LRTM1: variants seen among roughly 807,000 people sequenced by gnomAD.
The protein encoded by LRTM1 is leucine rich repeat transmembrane protein 1.
In LRTM1, 38 loss-of-function variants were observed where a neutral mutation model predicts 32.4. The ratio of observed to expected loss-of-function variants is 1.17; its 90% CI spans 0.91 to 1.54. The LOEUF (loss-of-function observed/expected upper bound fraction) is 1.54, where lower values mean the gene tolerates loss of function less well. Among genes scored for constraint, LRTM1 ranks in the 40% most tolerant of loss-of-function variants. The pLI, the probability that LRTM1 is intolerant of heterozygous loss-of-function variation, is 0.00. For synonymous variants in LRTM1, 186 were observed against 169.9 expected (o/e 1.09, Z -0.74); for missense variants, 466 against 415.4 (o/e 1.12, Z -1.06).
chr3:54,942,293 C>T (rs1701491077), intron 1 of LRTM1, among the ~76,000 whole-genome samples: 1 of 152,200 alleles, frequency 6.6e-6, no homozygotes, highest in Non-Finnish European at 1.5e-5. Flanking sequence ...TCAGTCAAAG[C>T]TCAAAGATTC....
intron 1 of LRTM1, among the ~76,000 whole-genome samples, chr3:54,959,018 C>T (rs1027710910): frequency 3.3e-5 from 5 of 152,082 alleles, no homozygotes; most frequent in Non-Finnish European, 7.4e-5. Context: ...GGATAATTGC[C>T]TGAGCCTGGG....
intron 1 of LRTM1, among the ~76,000 whole-genome samples, chr3:54,953,622 A>G (rs1701811759): frequency 6.6e-6 from 1 of 152,218 alleles, no homozygotes; most frequent in African/African-American, 2.4e-5. Context: ...TCTATTTTAA[A>G]GACTTCTGTC....
chr3:54,963,203 T>C (rs1702071275), intron 1 of LRTM1, among the ~76,000 whole-genome samples: 1 of 152,202 alleles, frequency 6.6e-6, no homozygotes, highest in Non-Finnish European at 1.5e-5. Flanking sequence ...GTCCAGGTTG[T>C]CTCACGCTGG....
At chr3:54,952,649 A>G (rs1575402922) in intron 1 of LRTM1, among the ~76,000 whole-genome samples, 1 of 152,130 alleles carries the variant, frequency 6.6e-6, no homozygotes, top group East Asian at 1.9e-4. Flanking sequence ...TTCTGCTTCT[A>G]TTCTGAAGTC....
chr3:54,963,271 G>C (rs76122559), intron 1 of LRTM1, among the ~76,000 whole-genome samples: 7 of 152,172 alleles, frequency 4.6e-5, no homozygotes, highest in African/African-American at 1.7e-4. Context: ...TCTACCTCTG[G>C]GGAGTGGTAG....
upstream of LRTM1, among the ~76,000 whole-genome samples, chr3:54,932,489 G>A (rs548779696): frequency 2.0e-5 from 3 of 152,080 alleles, no homozygotes. Context: ...TATTCAACTC[G>A]CTACAACAAA....
At chr3:54,939,952 T>C (rs1454520186) in intron 1 of LRTM1, among the ~76,000 whole-genome samples, 3 of 152,204 alleles carry the variant, frequency 2.0e-5, no homozygotes, top group Non-Finnish European at 4.4e-5. Flanking sequence ...CTTTCCATGA[T>C]GGATTTCTAG....
rs191485554 is a variant in LRTM1, at chr3:54,934,093, T to C, written c.-221-8878A>G. Among the ~76,000 whole-genome samples, 23 of 152,326 alleles carry C rather than the reference T, an allele frequency of 1.5e-4. No homozygotes were observed. The South Asian group carries it at 2.9e-3, about 19-fold the overall frequency. On this transcript the variant is annotated intron_variant, in intron 1 of 2. Coordinates refer to the LRTM1 transcript ENST00000493075. ...TCCATGATGTTACTATTACTTTTGA[T>C]ACAAATTACAAAACAGGGACGGAGA...
Position 54,925,071 on chromosome 3 carries a change from T to A in LRTM1, c.152A>T (p.Gln51Leu), listed in dbSNP as rs1003989677. 1 of 1,614,094 alleles carries A rather than the reference T, an allele frequency of 6.2e-7. No individual in the cohort carries two copies. The highest frequency in any genetic ancestry group is 8.5e-7 in the Non-Finnish European group (1 of 1,180,034). Reference sequence around the variant, plus strand: ...ATCTTGTAAATGCAGCGTTCGAGTCTGAGGAGGTAAATGGGAAGGGATTTC... The same window carrying A: ...ATCTTGTAAATGCAGCGTTCGAGTCAGAGGAGGTAAATGGGAAGGGATTTC... The part of the protein sequence containing the change: ...LAEIPSHLPP[Q>L]TRTLHLQDNQ... Residue 51 changes from glutamine to leucine, a missense_variant, in exon 2 of 3, where the codon CAG becomes CTG. Physicochemically the swap from Gln to Leu is moderately radical, Grantham distance 113. Coordinates refer to ENST00000273286, the MANE Select transcript of LRTM1 (RefSeq NM_020678.4).
At chr3:54,923,545 T>C (rs1372209668) in intron 2 of LRTM1, among the ~76,000 whole-genome samples, 1 of 152,200 alleles carries the variant, frequency 6.6e-6, no homozygotes, top group Non-Finnish European at 1.5e-5. Context: ...ATTCTAAACA[T>C]GTATCTTTAT....
chr3:54,918,633 A>G lies in LRTM1; in HGVS notation c.864T>C (p.Thr288=). Residue 288 remains threonine (T), a synonymous_variant, in exon 3 of 3, where the codon ACT becomes ACC. Coordinates refer to ENST00000273286, the MANE Select transcript of LRTM1 (RefSeq NM_020678.4). The part of the protein sequence containing the change: ...RPANLRHAIA[T]VIITGVVCGI... ...CACACACAACGCCAGTGATGATGAC[A>G]GTGGCAATGGCATGACGCAGGTTGG... 1.2e-6 allele frequency: 2 copies of G among 1,614,184 alleles called. No individual in the cohort carries two copies. The highest frequency in any genetic ancestry group is 1.7e-6 in the Non-Finnish European group (2 of 1,180,034).
At chr3:54,920,868 C>T (rs1700825706) in intron 2 of LRTM1, among the ~76,000 whole-genome samples, 1 of 152,140 alleles carries the variant, frequency 6.6e-6, no homozygotes, top group South Asian at 2.1e-4. Context: ...TTCTCCAGTT[C>T]CAGACTTTCT....
chr3:54,957,313 A>AT (rs112047445), intron 1 of LRTM1, among the ~76,000 whole-genome samples: 1,872 of 151,966 alleles, frequency 0.012, 43 homozygotes, highest in African/African-American at 0.043. Context: ...CACTCAGCTA[A>AT]TTTTTTAAAA....
At chr3:54,919,930 C>A (rs887330580) in intron 2 of LRTM1, among the ~76,000 whole-genome samples, 2 of 152,174 alleles carry the variant, frequency 1.3e-5, no homozygotes, top group Admixed American at 6.5e-5. Flanking sequence ...ATCCTCCTCT[C>A]AGGAGCGTTG....
At chr3:54,921,311 G>C (rs1700842838) in intron 2 of LRTM1, among the ~76,000 whole-genome samples, 1 of 152,184 alleles carries the variant, frequency 6.6e-6, no homozygotes, top group South Asian at 2.1e-4. Flanking sequence ...AGTGGGAGAT[G>C]AGGATAATTA....
At chr3:54,920,012 C>T (rs991025957) in intron 2 of LRTM1, among the ~76,000 whole-genome samples, 1 of 152,202 alleles carries the variant, frequency 6.6e-6, no homozygotes, top group Non-Finnish European at 1.5e-5. Flanking sequence ...GACAGAACTG[C>T]CCCATGACCT....
chr3:54,928,624 G>C (rs1009957086), upstream of LRTM1, among the ~76,000 whole-genome samples: 1 of 152,132 alleles, frequency 6.6e-6, no homozygotes, highest in African/African-American at 2.4e-5. Context: ...GTTTCCTTTA[G>C]TGGACATCAC....
intron 1 of LRTM1, among the ~76,000 whole-genome samples, chr3:54,946,669 G>A (rs1011823390): frequency 2.6e-5 from 4 of 152,096 alleles, no homozygotes; most frequent in Non-Finnish European, 5.9e-5. Flanking sequence ...AACCTGGGGG[G>A]AGCTAGCATT....
At chr3:54,922,778 A>G (rs1197763900) in intron 2 of LRTM1, among the ~76,000 whole-genome samples, 1 of 152,010 alleles carries the variant, frequency 6.6e-6, no homozygotes, top group Non-Finnish European at 1.5e-5. Context: ...ACATGCCCCA[A>G]GCTGAAGTCC....
Sources: gnomAD v4.1 joint callset for allele counts (sites outside exome capture counted in the v4.1 genomes callset) on GRCh38, gnomAD v4.1.1 for gene constraint, MANE v1.5 for transcripts, NCBI Gene and HGNC (gene_info 2026-07-23, HGNC 2026-07-21) for gene names.